The following TOX variants were observed in gnomAD, a reference collection of about 807,000 sequenced individuals.
TOX encodes thymocyte selection-associated high mobility group box protein TOX.
A neutral mutation model predicts 53.7 loss-of-function variants in TOX; 11 were observed. The ratio of observed to expected loss-of-function variants is 0.20; its 90% confidence interval spans 0.13 to 0.34. The LOEUF is 0.34. TOX is among the 10% of genes least tolerant of loss of function. TOX has a pLI of 1.00. For synonymous variants in TOX, 225 were observed against 245.3 expected (o/e 0.92, Z 0.77); for missense variants, 570 against 664.6 (o/e 0.86, Z 1.56).
At chr8:58,858,649 C>G (rs944920272) in intron 3 of TOX, among the ~76,000 whole-genome samples, 1 of 152,270 alleles carries the variant, frequency 6.6e-6, no homozygotes, top group African/African-American at 2.4e-5. Flanking sequence ...CCATTTACCC[C>G]TGTCTGTCAG....
intron 1 of TOX, among the ~76,000 whole-genome samples, chr8:59,004,546 T>G (rs546783283): frequency 6.6e-6 from 1 of 152,340 alleles, no homozygotes; most frequent in South Asian, 2.1e-4. Flanking sequence ...GGGATCTATA[T>G]TCTATGGAAA....
At chr8:59,060,157 T>A (rs1803955666) in intron 1 of TOX, among the ~76,000 whole-genome samples, 1 of 152,248 alleles carries the variant, frequency 6.6e-6, no homozygotes, top group Non-Finnish European at 1.5e-5. Flanking sequence ...ATTCCCACTA[T>A]TTTTGTAATA....
intron 1 of TOX, among the ~76,000 whole-genome samples, chr8:59,078,493 G>A (rs1804333861): frequency 6.6e-6 from 1 of 152,196 alleles, no homozygotes; most frequent in Non-Finnish European, 1.5e-5. Flanking sequence ...TGCTTTCACT[G>A]TGTGAGGTGC....
At chr8:59,060,153 AC>A (rs1333178896) in intron 1 of TOX, among the ~76,000 whole-genome samples, 2 of 152,166 alleles carry the variant, frequency 1.3e-5, no homozygotes, top group African/African-American at 4.8e-5. Context: ...TGGCATTCCC[AC>A]TATTTTTGTA....
chr8:58,999,716 C>T (rs539470192), intron 1 of TOX, among the ~76,000 whole-genome samples: 9 of 152,190 alleles, frequency 5.9e-5, no homozygotes, highest in East Asian at 1.9e-4. Context: ...AGTGGCACGG[C>T]GATCTCTATT....
chr8:58,926,698 T>G (rs1165913770), intron 3 of TOX, among the ~76,000 whole-genome samples: 1 of 152,210 alleles, frequency 6.6e-6, no homozygotes, highest in Non-Finnish European at 1.5e-5. Context: ...GCTAAATTTT[T>G]TATACTGTCG....
chr8:58,996,341 T>C (rs1017483312), intron 1 of TOX, among the ~76,000 whole-genome samples: 1 of 152,162 alleles, frequency 6.6e-6, no homozygotes. Flanking sequence ...ATTTTAAGGG[T>C]CTTCTCTTCC....
intron 7 of TOX, 136 bp from the exon 8 acceptor site, chr8:58,808,405 GC>G: frequency 1.8e-6 from 2 of 1,112,532 alleles, no homozygotes; most frequent in Non-Finnish European, 2.4e-6. Flanking sequence ...TGTCGGAAGA[GC>G]CCAGAAAATT....
At position 59,118,933 on chromosome 8, in the gene TOX, G is replaced by T. The variant is rs199595313; in HGVS notation, c.55C>A (p.Pro19Thr). The change falls in exon 1 of 9, where the codon CCC becomes ACC. Residue 19 changes from proline to threonine, a missense_variant. Pro to Thr is a conservative substitution (Grantham distance 38). This residue lies in a region of TOX where 282 missense variants were observed against 315.0 expected (regional missense o/e 0.90). Transcript: ENST00000361421. The surrounding 1 kb of genome is among the most constrained non-coding windows in gnomAD (Gnocchi z 4.1). ...AGGCAGGGAGAAGGTCCCAGACAGGGAGCGTCGGGCGCAGCGGCGGGCTGG... is the reference window on the plus strand; with the variant it reads ...AGGCAGGGAGAAGGTCCCAGACAGGTAGCGTCGGGCGCAGCGGCGGGCTGG... ...PAQPAAAPDA[P>T]CLGPSPCLDP... 5.9e-5 allele frequency: 94 copies of T among 1,601,602 alleles called. No individual in the cohort carries two copies. The highest frequency in any genetic ancestry group is 7.1e-5 in the Non-Finnish European group (83 of 1,173,742).
At chr8:58,999,354 T>C (rs2162817) in intron 1 of TOX, among the ~76,000 whole-genome samples, 47,988 of 151,202 alleles carry the variant, frequency 0.32, 8,668 homozygotes, top group African/African-American at 0.49. Context: ...ATTAAAGCAC[T>C]ATGACCTGAA....
In TOX at chr8:59,118,121, G is replaced by A. The variant is rs573269177; in HGVS notation, c.102+765C>T. Among the ~76,000 whole-genome samples the A allele has an allele frequency of 6.6e-6, 1 of 152,320 alleles. No homozygotes were observed. Among genetic ancestry groups the A allele is most frequent in the East Asian group, 1.9e-4 (1 of 5,158 alleles). On this transcript the variant is annotated intron_variant, in intron 1 of 8. Coordinates refer to ENST00000361421, the MANE Select transcript of TOX (RefSeq NM_014729.3). The surrounding 1 kb of genome is among the most constrained non-coding windows in gnomAD (Gnocchi z 4.1). ...GGCCCCCGCGGCCCTGGCACCCGAG[G>A]TCAGCGGGCCGTGGGTACAGCTCAG...
chr8:59,070,264 C>T (rs2129422545), intron 1 of TOX, among the ~76,000 whole-genome samples: 1 of 152,210 alleles, frequency 6.6e-6, no homozygotes, highest in Non-Finnish European at 1.5e-5. Flanking sequence ...TCAACACAGG[C>T]ATACTTTTTA....
chr8:58,922,680 G>A (rs566421619), intron 3 of TOX, among the ~76,000 whole-genome samples: 1 of 152,322 alleles, frequency 6.6e-6, no homozygotes, highest in South Asian at 2.1e-4. Flanking sequence ...CTCTCACGGT[G>A]CTTCTAGTCT....
chr8:58,911,869 CT>C (rs1025967352), intron 3 of TOX, among the ~76,000 whole-genome samples: 2 of 152,074 alleles, frequency 1.3e-5, no homozygotes, highest in Non-Finnish European at 2.9e-5. Flanking sequence ...TGCCCAGCGA[CT>C]TTTGTATTTT....
intron 1 of TOX, among the ~76,000 whole-genome samples, chr8:59,030,399 A>G (rs1814332714): frequency 6.6e-6 from 1 of 152,212 alleles, no homozygotes; most frequent in South Asian, 2.1e-4. Context: ...AATGGTAGTA[A>G]GTTGTACATT....
At chr8:58,966,887 T>G (rs1315864604) in intron 1 of TOX, among the ~76,000 whole-genome samples, 2 of 150,130 alleles carry the variant, frequency 1.3e-5, no homozygotes, top group Non-Finnish European at 3.0e-5. Context: ...TTTTTTTTTT[T>G]TTTTTTAGAT....
chr8:58,840,319 T>A (rs1810622268), intron 4 of TOX, among the ~76,000 whole-genome samples: 1 of 152,198 alleles, frequency 6.6e-6, no homozygotes, highest in Non-Finnish European at 1.5e-5. Flanking sequence ...AGATTAACAC[T>A]AGATGATAAC....
At chr8:58,966,155 G>T (rs10094623) in intron 1 of TOX, among the ~76,000 whole-genome samples, 2,045 of 152,098 alleles carry the variant, frequency 0.013, 57 homozygotes, top group African/African-American at 0.047. Context: ...GAAGGAAGAG[G>T]TGTCTATTTA....
At chr8:58,869,479 C>A (rs1048786805) in intron 3 of TOX, among the ~76,000 whole-genome samples, 3 of 152,148 alleles carry the variant, frequency 2.0e-5, no homozygotes, top group Non-Finnish European at 2.9e-5. Context: ...TATACCAATT[C>A]TCCACAATAT....
Sources: gnomAD v4.1 joint callset for allele counts (sites outside exome capture counted in the v4.1 genomes callset) on GRCh38, gnomAD v4.1.1 for gene constraint, gnomAD v4.1.1 regional missense constraint, Gnocchi (gnomAD v3.1) non-coding constraint, MANE v1.5 for transcripts, NCBI Gene and HGNC (gene_info 2026-07-23, HGNC 2026-07-21) for gene names.